Variants in C12orf42 observed in about 807,000 individuals in gnomAD.
The protein encoded by C12orf42 is chromosome 12 open reading frame 42, also known as uncharacterized protein C12orf42.
C12orf42 carries 25 observed loss-of-function variants against 21.6 expected under a neutral mutation model. The observed-to-expected ratio is 1.16, with a 90% confidence interval of 0.84 to 1.62. C12orf42 has a LOEUF of 1.62. Among genes scored for constraint, C12orf42 ranks in the 40% most tolerant of loss-of-function variants. C12orf42 has a pLI of 0.00. For missense variants in C12orf42, 483 were observed against 459.3 expected, an observed-to-expected ratio of 1.05 and a Z score of -0.47; for synonymous variants, 174 against 175.0, an observed-to-expected ratio of 0.99 and a Z score of 0.05.
At chr12:103,291,645 G>A (rs1309747178) in intron 4 of C12orf42, among the ~76,000 whole-genome samples, 1 of 152,080 alleles carries the variant, frequency 6.6e-6, no homozygotes. Context: ...CAGACTTGAG[G>A]GTTCCTCCCC....
the C12orf42 span, among the ~76,000 whole-genome samples, chr12:103,205,785 A>T: frequency 6.6e-6 from 1 of 152,234 alleles, no homozygotes; most frequent in Non-Finnish European, 1.5e-5. Context: ...CAATGCTGAC[A>T]TGAAAATGAA....
At chr12:103,108,941 A>G in the C12orf42 span, among the ~76,000 whole-genome samples, 1 of 152,184 alleles carries the variant, frequency 6.6e-6, no homozygotes, top group Non-Finnish European at 1.5e-5. Context: ...TTGTTGAGGC[A>G]CACAAGGAAG....
chr12:103,330,356 A>C (rs1385249518), intron 4 of C12orf42, among the ~76,000 whole-genome samples: 1 of 152,210 alleles, frequency 6.6e-6, no homozygotes, highest in African/African-American at 2.4e-5. Context: ...TTGCAAATTT[A>C]AGAATGAGGA....
At chr12:103,365,024 CA>C (rs1393764544) in intron 4 of C12orf42, among the ~76,000 whole-genome samples, 1 of 151,170 alleles carries the variant, frequency 6.6e-6, no homozygotes, top group African/African-American at 2.4e-5. Flanking sequence ...AAGGGCATAA[CA>C]AAAAAATACA....
At chr12:103,540,358 C>T in the C12orf42 span, among the ~76,000 whole-genome samples, 2 of 152,224 alleles carry the variant, frequency 1.3e-5, no homozygotes, top group South Asian at 4.2e-4. Context: ...ATTACTGATA[C>T]TTTTGTCTAC....
chr12:103,200,734 CTT>C, the C12orf42 span, among the ~76,000 whole-genome samples: 1 of 152,178 alleles, frequency 6.6e-6, no homozygotes, highest in South Asian at 2.1e-4. Context: ...AATAACTTCT[CTT>C]AGTGGAAGTG....
At chr12:103,320,766 A>G (rs1354378255) in intron 4 of C12orf42, among the ~76,000 whole-genome samples, 1 of 152,180 alleles carries the variant, frequency 6.6e-6, no homozygotes. Context: ...AGATTAGTGA[A>G]TAAGCATGTA....
chr12:103,320,098 C>T (rs528539126), intron 4 of C12orf42, among the ~76,000 whole-genome samples: 1 of 152,184 alleles, frequency 6.6e-6, no homozygotes, highest in African/African-American at 2.4e-5. Flanking sequence ...TACTGCTGTC[C>T]ACATAAATGT....
chr12:103,066,483 C>A, the C12orf42 span, among the ~76,000 whole-genome samples: 1 of 152,168 alleles, frequency 6.6e-6, no homozygotes, highest in African/African-American at 2.4e-5. Context: ...GGCCTGGTTC[C>A]CAGATGGTTC....
intron 4 of C12orf42, among the ~76,000 whole-genome samples, chr12:103,329,930 A>G (rs1040682438): frequency 1.3e-5 from 2 of 152,028 alleles, no homozygotes; most frequent in African/African-American, 2.4e-5. Flanking sequence ...CTGTATTATA[A>G]CTATAATAAT....
At chr12:103,063,177 G>C in the C12orf42 span, among the ~76,000 whole-genome samples, 2 of 152,152 alleles carry the variant, frequency 1.3e-5, no homozygotes, top group Non-Finnish European at 2.9e-5. Flanking sequence ...AGTGACGAAA[G>C]AAAATGATGA....
chr12:103,218,814 G>A, the C12orf42 span, among the ~76,000 whole-genome samples: 1 of 152,162 alleles, frequency 6.6e-6, no homozygotes, highest in Non-Finnish European at 1.5e-5. Flanking sequence ...TTTACAGAAT[G>A]AGAATTGCAA....
chr12:103,528,737 GT>G, the C12orf42 span, among the ~76,000 whole-genome samples: 4 of 152,230 alleles, frequency 2.6e-5, no homozygotes, highest in Admixed American at 2.0e-4. Flanking sequence ...ATAAATTTGA[GT>G]TTTTTTCCTT....
chr12:103,189,442 A>G, the C12orf42 span, among the ~76,000 whole-genome samples: 1 of 152,224 alleles, frequency 6.6e-6, no homozygotes, highest in African/African-American at 2.4e-5. Flanking sequence ...CCATGCATGT[A>G]AATACCTTCA....
chr12:103,446,615 C>T (rs371396582), intron 2 of C12orf42, among the ~76,000 whole-genome samples: 10 of 151,810 alleles, frequency 6.6e-5, no homozygotes, highest in African/African-American at 2.2e-4. Context: ...CTTCAGGAGA[C>T]TCAACTAAAA....
intron 4 of C12orf42, among the ~76,000 whole-genome samples, chr12:103,334,876 T>C (rs2041555933): frequency 6.6e-6 from 1 of 152,224 alleles, no homozygotes; most frequent in African/African-American, 2.4e-5. Flanking sequence ...AATATGTGTG[T>C]TAATGAACAG....
intron 2 of C12orf42, among the ~76,000 whole-genome samples, chr12:103,462,848 C>A (rs961683899): frequency 6.6e-6 from 1 of 152,160 alleles, no homozygotes; most frequent in Non-Finnish European, 1.5e-5. Context: ...GCATTCACAT[C>A]TTTTGTTTTT....
the C12orf42 span, among the ~76,000 whole-genome samples, chr12:103,114,369 T>C: frequency 6.6e-6 from 1 of 152,126 alleles, no homozygotes; most frequent in African/African-American, 2.4e-5. Context: ...AGATGGTCTG[T>C]CTCTTAATCT....
At chr12:103,191,891 T>C in the C12orf42 span, among the ~76,000 whole-genome samples, 1 of 152,202 alleles carries the variant, frequency 6.6e-6, no homozygotes, top group Non-Finnish European at 1.5e-5. Context: ...AGTTTTTGTA[T>C]GTGACTGAAT....
Sources: gnomAD v4.1 joint callset for allele counts (sites outside exome capture counted in the v4.1 genomes callset) on GRCh38, gnomAD v4.1.1 for gene constraint, MANE v1.5 for transcripts, NCBI Gene and HGNC (gene_info 2026-07-23, HGNC 2026-07-21) for gene names.